The following PLCB4 variants were observed in gnomAD, a reference collection of about 807,000 sequenced individuals.
PLCB4 encodes 1-phosphatidylinositol 4,5-bisphosphate phosphodiesterase beta-4.
Under a neutral mutation model 178.8 loss-of-function variants are expected in PLCB4, and 77 were observed. That is an observed-to-expected ratio of 0.43 (90% CI 0.36 to 0.52). PLCB4 has a LOEUF of 0.52. Among genes scored for constraint, PLCB4 ranks in the 20% least tolerant of loss-of-function variants. The probability of loss-of-function intolerance (pLI) is 0.00; values close to 1 mark genes in which losing one functional copy is unlikely to be tolerated. For synonymous variants in PLCB4, 496 were observed against 490.8 expected, an observed-to-expected ratio of 1.01 and a Z score of -0.14; for missense variants, 1,024 against 1,453.4, an observed-to-expected ratio of 0.70 and a Z score of 4.80.
Position 9,380,159 on chromosome 20 carries a change from A to G in PLCB4, c.850A>G (p.Lys284Glu), listed in dbSNP as rs959022304. ...MYEPDEDLKK[K>E]GLISSDGFCR... ...TGAACCTGATGAAGATTTGAAGAAAAAAGGTAATAAACATGAAAAAAGGAC... is the reference window on the plus strand; with the variant it reads ...TGAACCTGATGAAGATTTGAAGAAAGAAGGTAATAAACATGAAAAAAGGAC... The change falls in exon 13 of 40, where the codon AAA becomes GAA. Residue 284 changes from lysine (K) to glutamate (E), a missense_variant. Physicochemically the swap from Lys to Glu is moderately conservative, Grantham distance 56 (BLOSUM62 1). Around this residue, in one of 7 missense-constraint regions of PLCB4, gnomAD observed 37 missense variants for 28.6 expected, o/e 1.30. Coordinates refer to ENST00000378473, the MANE Select transcript of PLCB4 (RefSeq NM_001377142.1). The G allele has an allele frequency of 6.9e-7, 1 of 1,441,974 alleles. No homozygotes were observed. The highest frequency in any genetic ancestry group is 1.3e-5 in the South Asian group (1 of 77,564). 89.3% of individuals were successfully genotyped at this position (1,441,974 alleles called of 1,614,324 possible).
chr20:9,352,192 G>A lies in PLCB4; in HGVS notation c.370-10704G>A, dbSNP rs138699373. The stretch of plus-strand genomic sequence containing the variant: ...GAAAGATTTCTGGGGATGTAGGAAT[G>A]TAGTTGGTCTGTGGACTTTCAGGCA... On this transcript the variant is annotated intron_variant, in intron 7 of 39. Coordinates refer to ENST00000378473, the MANE Select transcript of PLCB4 (RefSeq NM_001377142.1). Among the ~76,000 whole-genome samples the A allele has an allele frequency of 8.1e-4, 124 of 152,354 alleles. 1 individual carries two copies. In the Middle Eastern group the frequency reaches 0.014, roughly 17 times the overall value.
At chr20:9,262,969 C>A (rs560808552) in intron 3 of PLCB4, among the ~76,000 whole-genome samples, 1 of 152,134 alleles carries the variant, frequency 6.6e-6, no homozygotes, top group Admixed American at 6.5e-5. Flanking sequence ...TGATTTTCAG[C>A]GGCTCTCTTA....
intron 2 of PLCB4, among the ~76,000 whole-genome samples, chr20:9,173,185 T>C (rs558096300): frequency 2.0e-5 from 3 of 152,326 alleles, no homozygotes; most frequent in Non-Finnish European, 4.4e-5. Context: ...GGCATTGCAT[T>C]GTTTTATCCA....
chr20:9,434,653 G>A (rs1484975851), intron 28 of PLCB4, among the ~76,000 whole-genome samples: 4 of 152,076 alleles, frequency 2.6e-5, no homozygotes, highest in African/African-American at 7.2e-5. Flanking sequence ...TGGGATTACC[G>A]GCGTGAGCTA....
chr20:9,195,484 C>G (rs894889178), intron 2 of PLCB4, among the ~76,000 whole-genome samples: 4 of 152,198 alleles, frequency 2.6e-5, no homozygotes, highest in Non-Finnish European at 5.9e-5. Flanking sequence ...AGTGTCTTCA[C>G]CAGTGCAGGT....
chr20:9,111,107 C>T (rs756490925), intron 2 of PLCB4, among the ~76,000 whole-genome samples: 27 of 151,636 alleles, frequency 1.8e-4, no homozygotes, highest in Admixed American at 5.9e-4. Context: ...CCAGATTGAA[C>T]GATGTTAGAC....
intron 7 of PLCB4, among the ~76,000 whole-genome samples, chr20:9,360,433 A>C (rs2035221657): frequency 6.6e-6 from 1 of 152,170 alleles, no homozygotes; most frequent in East Asian, 1.9e-4. Context: ...CTAAATTAGA[A>C]TGATCAGAAA....
intron 2 of PLCB4, among the ~76,000 whole-genome samples, chr20:9,182,061 A>G (rs941899780): frequency 2.0e-5 from 3 of 152,324 alleles, no homozygotes; most frequent in African/African-American, 7.2e-5. Context: ...TTCTTTGTCC[A>G]TAGCGTCTCA....
chr20:9,410,548 C>G (rs1328384129), intron 24 of PLCB4, among the ~76,000 whole-genome samples: 1 of 152,212 alleles, frequency 6.6e-6, no homozygotes, highest in Non-Finnish European at 1.5e-5. Context: ...CATGTGCTGC[C>G]AGTGTAGACC....
At chr20:9,391,525 G>A (rs1263237102) in intron 17 of PLCB4, among the ~76,000 whole-genome samples, 1 of 152,108 alleles carries the variant, frequency 6.6e-6, no homozygotes, top group Non-Finnish European at 1.5e-5. Flanking sequence ...CACTTTATGA[G>A]GTTCTTTTCA....
chr20:9,473,814 A>C (rs2044354113), intron 38 of PLCB4, among the ~76,000 whole-genome samples: 1 of 152,196 alleles, frequency 6.6e-6, no homozygotes, highest in Admixed American at 6.5e-5. Context: ...GGTGGTATCT[A>C]AAGTCATGAG....
intron 4 of PLCB4, among the ~76,000 whole-genome samples, chr20:9,325,369 A>G (rs1385898388): frequency 6.6e-6 from 1 of 152,192 alleles, no homozygotes; most frequent in Admixed American, 6.5e-5. Flanking sequence ...TTCCTGCCCA[A>G]GAAAGTTACT....
intron 25 of PLCB4, among the ~76,000 whole-genome samples, chr20:9,416,625 A>T (rs17391344): frequency 0.014 from 2,105 of 152,272 alleles, 19 homozygotes; most frequent in South Asian, 0.048. Context: ...CTGTATCATC[A>T]TATTTTCTAG....
At chr20:9,194,766 A>G (rs2093449762) in intron 2 of PLCB4, among the ~76,000 whole-genome samples, 1 of 152,060 alleles carries the variant, frequency 6.6e-6, no homozygotes, top group Non-Finnish European at 1.5e-5. Context: ...CATCTGTAAA[A>G]TTGTATCTCT....
At chr20:9,079,073 T>C (rs538130203) in intron 1 of PLCB4, among the ~76,000 whole-genome samples, 4 of 152,224 alleles carry the variant, frequency 2.6e-5, no homozygotes, top group Non-Finnish European at 5.9e-5. Context: ...TCCTTGGCAT[T>C]GAAACCTTGC....
chr20:9,464,304 C>T (rs1241558147), intron 35 of PLCB4, among the ~76,000 whole-genome samples: 2 of 152,158 alleles, frequency 1.3e-5, no homozygotes, highest in Non-Finnish European at 2.9e-5. Context: ...ATTTATAGCA[C>T]TAAATGCCCA....
chr20:9,479,636 C>G lies in PLCB4; in HGVS notation c.*627C>G, dbSNP rs2122765749. 6.5e-6 allele frequency: 1 copy of G among 152,786 alleles called. No homozygotes were observed. Among genetic ancestry groups the G allele is most frequent in the South Asian group, 2.1e-4 (1 of 4,826 alleles). The allele number at this position is 152,786 out of a possible 1,614,324, so 9.5% of individuals were successfully genotyped here. A position where few individuals can be genotyped will look rare whatever the true frequency, so the allele number is the denominator to read the frequency against. ...AAACTCATCATTACTCAAAGGAGAA[C>G]TGTGTTAGGCACATTTAAGAAAGTT... is the stretch of plus-strand genomic sequence containing the variant. On this transcript the variant is annotated 3_prime_UTR_variant, in exon 40 of 40. Transcript: ENST00000378473.
chr20:9,341,507 T>A (rs6056563), intron 7 of PLCB4, among the ~76,000 whole-genome samples: 1 of 151,992 alleles, frequency 6.6e-6, no homozygotes, highest in Non-Finnish European at 1.5e-5. Context: ...TATTCATGAA[T>A]TGAAAGTGGA....
chr20:9,221,089 C>T (rs564980579), intron 3 of PLCB4, among the ~76,000 whole-genome samples: 4 of 151,622 alleles, frequency 2.6e-5, no homozygotes, highest in Non-Finnish European at 5.9e-5. Context: ...GCAGGGCTCC[C>T]AGGAGAAACT....
Sources: gnomAD v4.1 joint callset for allele counts (sites outside exome capture counted in the v4.1 genomes callset) on GRCh38, gnomAD v4.1.1 for gene constraint, gnomAD v4.1.1 regional missense constraint, MANE v1.5 for transcripts, NCBI Gene and HGNC (gene_info 2026-07-23, HGNC 2026-07-21) for gene names.